Variants in GABBR2 observed in about 807,000 individuals in gnomAD.
GABBR2 encodes G-protein coupled receptor 51.
In GABBR2, 23 loss-of-function variants were observed where a neutral mutation model predicts 105.6. That is an observed-to-expected ratio of 0.22 (90% CI 0.16 to 0.31). The LOEUF (loss-of-function observed/expected upper bound fraction) is 0.31, where lower values mean the gene tolerates loss of function less well. GABBR2 is among the 10% of genes least tolerant of loss of function. The pLI is 1.00. For missense variants in GABBR2, 734 were observed against 1,245.5 expected, an observed-to-expected ratio of 0.59 and a Z score of 6.18; for synonymous variants, 478 against 499.7, an observed-to-expected ratio of 0.96 and a Z score of 0.58.
chr9:98,480,436 A>G (rs1826892203), intron 5 of GABBR2, among the ~76,000 whole-genome samples: 1 of 152,224 alleles, frequency 6.6e-6, no homozygotes, highest in Non-Finnish European at 1.5e-5. Flanking sequence ...CTCATCTGTA[A>G]AATGGGAAAA....
intron 7 of GABBR2, among the ~76,000 whole-genome samples, chr9:98,428,792 T>C (rs912341057): frequency 6.6e-6 from 1 of 152,232 alleles, no homozygotes; most frequent in Middle Eastern, 3.4e-3. Flanking sequence ...GGTGCTGACA[T>C]GATGAAAAGC....
At position 98,410,120 on chromosome 9, in the gene GABBR2, A is replaced by ATTTTTTTT. The variant is rs564055730; in HGVS notation, c.1237-3987_1237-3980dup. Among the ~76,000 whole-genome samples, 292 of 147,340 alleles carry ATTTTTTTT rather than the reference A, an allele frequency of 2.0e-3. 2 individuals carry two copies. Among genetic ancestry groups the ATTTTTTTT allele is most frequent in the African/African-American group, 7.1e-3 (282 of 39,568 alleles). ...TCCTAACACCCCAGCTTGAGCTGGAATTTTTTTTTTTGGTTTCCCTCCCAC... is the reference window on the plus strand; with the variant it reads ...TCCTAACACCCCAGCTTGAGCTGGAATTTTTTTTTTTTTTTTTTTGGTTTCCCTCCCAC... On this transcript the variant is annotated intron_variant, in intron 7 of 18. Coordinates refer to ENST00000259455, the MANE Select transcript of GABBR2 (RefSeq NM_005458.8).
chr9:98,436,340 ACACACAC>A (rs1825909765), intron 7 of GABBR2, among the ~76,000 whole-genome samples: 2 of 76,714 alleles, frequency 2.6e-5, no homozygotes, highest in East Asian at 1.5e-3. Flanking sequence ...ATACACACAC[ACACACAC>A]CATATATATA....
chr9:98,498,346 G>A (rs1209882342), intron 3 of GABBR2, among the ~76,000 whole-genome samples: 1 of 152,156 alleles, frequency 6.6e-6, no homozygotes, highest in African/African-American at 2.4e-5. Flanking sequence ...TACTGCTACT[G>A]AACTGTACCC....
intron 1 of GABBR2, among the ~76,000 whole-genome samples, chr9:98,632,107 G>A (rs560221221): frequency 5.3e-5 from 8 of 152,146 alleles, no homozygotes; most frequent in African/African-American, 9.7e-5. Flanking sequence ...GCCAGGTAGC[G>A]TTTGTTCTGT....
chr9:98,335,159 C>G (rs1831091517), intron 13 of GABBR2, among the ~76,000 whole-genome samples: 1 of 152,144 alleles, frequency 6.6e-6, no homozygotes, highest in Non-Finnish European at 1.5e-5. Flanking sequence ...TCTCTCTCTT[C>G]CACTGGAGAA....
chr9:98,647,463 C>T (rs1232871685), intron 1 of GABBR2, among the ~76,000 whole-genome samples: 1 of 152,218 alleles, frequency 6.6e-6, no homozygotes, highest in Non-Finnish European at 1.5e-5. Flanking sequence ...CAAGTTTGAT[C>T]TCAGCTCTAC....
At chr9:98,658,218 C>T (rs997655151) in intron 1 of GABBR2, among the ~76,000 whole-genome samples, 6 of 152,164 alleles carry the variant, frequency 3.9e-5, no homozygotes, top group African/African-American at 7.2e-5. Flanking sequence ...CCACCACGGG[C>T]GGTTTCCACT....
At chr9:98,631,870 T>C (rs1457953270) in intron 1 of GABBR2, among the ~76,000 whole-genome samples, 1 of 152,186 alleles carries the variant, frequency 6.6e-6, no homozygotes, top group East Asian at 1.9e-4. Flanking sequence ...TGAGCAAACT[T>C]GATAATTTAG....
At chr9:98,468,648 CT>C (rs1826606854) in intron 6 of GABBR2, among the ~76,000 whole-genome samples, 1 of 152,148 alleles carries the variant, frequency 6.6e-6, no homozygotes, top group African/African-American at 2.4e-5. Flanking sequence ...ACAGAGCTTG[CT>C]GTAATAACTC....
intron 6 of GABBR2, among the ~76,000 whole-genome samples, chr9:98,459,089 A>T (rs1364019820): frequency 6.6e-6 from 1 of 152,174 alleles, no homozygotes; most frequent in East Asian, 1.9e-4. Context: ...GAGCCACAAT[A>T]CACACATCTG....
At position 98,413,313 on chromosome 9, in the gene GABBR2, A is replaced by G. The variant is rs531105348; in HGVS notation, c.1237-7172T>C. Among the ~76,000 whole-genome samples, 478 of 152,318 alleles carry G rather than the reference A, an allele frequency of 3.1e-3. 3 individuals are homozygous for G. Among genetic ancestry groups the G allele is most frequent in the African/African-American group, 0.011 (446 of 41,558 alleles). On this transcript the variant is annotated intron_variant, in intron 7 of 18. Coordinates refer to ENST00000259455, the MANE Select transcript of GABBR2 (RefSeq NM_005458.8). Reference sequence around the variant, plus strand: ...AAATTGCTTGTCAGGGGTTGCATAAAGGGTGGAGATCTGCATGACACAGGC... The same window carrying G: ...AAATTGCTTGTCAGGGGTTGCATAAGGGGTGGAGATCTGCATGACACAGGC...
At chr9:98,530,555 G>T (rs1018036094) in intron 3 of GABBR2, among the ~76,000 whole-genome samples, 16 of 152,288 alleles carry the variant, frequency 1.1e-4, no homozygotes, top group Admixed American at 9.8e-4. Context: ...AGGTGGGAGG[G>T]TCATTGGAGC....
chr9:98,439,553 A>C (rs1379538560), intron 7 of GABBR2, among the ~76,000 whole-genome samples: 1 of 152,258 alleles, frequency 6.6e-6, no homozygotes, highest in Non-Finnish European at 1.5e-5. Context: ...AAACTCCTGG[A>C]ATACGTTGAT....
intron 1 of GABBR2, among the ~76,000 whole-genome samples, chr9:98,597,669 C>T (rs1348481980): frequency 1.3e-5 from 2 of 152,080 alleles, no homozygotes; most frequent in Non-Finnish European, 2.9e-5. Context: ...TTCCCAGAAT[C>T]CCCAGAGCCA....
At chr9:98,311,441 C>T (rs993186924) in intron 13 of GABBR2, among the ~76,000 whole-genome samples, 14 of 152,218 alleles carry the variant, frequency 9.2e-5, no homozygotes, top group African/African-American at 3.4e-4. Context: ...CTGCATAATT[C>T]ATGCCTCTCC....
At chr9:98,642,318 C>T (rs1210889438) in intron 1 of GABBR2, among the ~76,000 whole-genome samples, 1 of 152,200 alleles carries the variant, frequency 6.6e-6, no homozygotes, top group Non-Finnish European at 1.5e-5. Flanking sequence ...CCTGTCCCTC[C>T]AGCCCCTGCC....
At chr9:98,620,580 A>G (rs1358659921) in intron 1 of GABBR2, among the ~76,000 whole-genome samples, 1 of 152,014 alleles carries the variant, frequency 6.6e-6, no homozygotes, top group Non-Finnish European at 1.5e-5. Flanking sequence ...TATTCCTCCA[A>G]AGCAAGCAGG....
intron 11 of GABBR2, among the ~76,000 whole-genome samples, chr9:98,378,328 G>C (rs537815907): frequency 2.6e-5 from 4 of 152,078 alleles, no homozygotes; most frequent in African/African-American, 9.7e-5. Context: ...TGAAGAGGCC[G>C]AAGGGGTGCT....
Sources: allele counts gnomAD v4.1 joint callset (sites outside exome capture counted in the v4.1 genomes callset), GRCh38; gene constraint gnomAD v4.1.1; transcripts MANE v1.5; gene names NCBI Gene and HGNC (gene_info 2026-07-23, HGNC 2026-07-21).